The following SLC12A4 variants were observed in gnomAD, a reference collection of about 807,000 sequenced individuals.
SLC12A4 encodes solute carrier family 12 member 4.
A neutral mutation model predicts 119.2 loss-of-function variants in SLC12A4; 84 were observed. That is an observed-to-expected ratio of 0.70 (90% CI 0.59 to 0.85). The LOEUF is 0.85. Among genes scored for constraint, SLC12A4 ranks in the 40% least tolerant of loss-of-function variants. SLC12A4 has a pLI of 0.00. For synonymous variants in SLC12A4, 599 were observed against 604.6 expected (o/e 0.99, Z 0.14); for missense variants, 1,298 against 1,476.3 (o/e 0.88, Z 1.98).
chr16:67,968,188 C>T (rs2030947324), intron 1 of SLC12A4, among the ~76,000 whole-genome samples: 1 of 152,072 alleles, frequency 6.6e-6, no homozygotes, highest in South Asian at 2.1e-4. Context: ...GTCTGCAGCC[C>T]CCGCCCGGGG....
At position 67,946,119 on chromosome 16, in the gene SLC12A4, C is replaced by G. The variant is rs376982827; in HGVS notation, c.2608-37G>C. 5.9e-5 allele frequency: 95 copies of G among 1,612,814 alleles called. 1 individual carries two copies. The South Asian group carries it at 8.8e-4, about 15-fold the overall frequency. On this transcript the variant is annotated intron_variant, in intron 19 of 23. Coordinates refer to ENST00000316341, the MANE Select transcript of SLC12A4 (RefSeq NM_005072.5). ...GACCAGGTGGGCGGTTTGGTCACAG[C>G]TGCTCCTCCAAGGGCCTAGCCCCTC...
At chr16:67,968,364 G>GAC (rs2030956749) in intron 1 of SLC12A4, 75 bp downstream of exon 1, 1 of 1,348,198 alleles carries the variant, frequency 7.4e-7, no homozygotes, top group Non-Finnish European at 9.9e-7. Context: ...GATAGGTGCG[G>GAC]GCGCGGGCCC....
Position 67,950,730 on chromosome 16 carries a change from A to T in SLC12A4, c.1397-19T>A. ...CTGAAGTCTGCGGCGGCGTCAAGGAAAACTCGGCCTCTGCCACCCCACTGT... is the reference window on the plus strand; with the variant it reads ...CTGAAGTCTGCGGCGGCGTCAAGGATAACTCGGCCTCTGCCACCCCACTGT... On this transcript the variant is annotated intron_variant, in intron 10 of 23. Transcript: ENST00000316341. This position sits in a 1 kb window ranked among gnomAD's most constrained non-coding sequence, Gnocchi z 4.3. 6.3e-7 allele frequency: 1 copy of T among 1,597,180 alleles called. No homozygotes were observed. Among genetic ancestry groups the T allele is most frequent in the Non-Finnish European group, 8.5e-7 (1 of 1,172,408 alleles).
chr16:67,954,854 C>T, intron 5 of SLC12A4, 81 bp from the exon 6 acceptor site: 3 of 1,559,122 alleles, frequency 1.9e-6, no homozygotes, highest in Non-Finnish European at 2.6e-6. Flanking sequence ...CCTGCACAAC[C>T]ACCCAGAGGG....
chr16:67,961,338 G>A (rs1002958844), intron 3 of SLC12A4, among the ~76,000 whole-genome samples: 4 of 152,184 alleles, frequency 2.6e-5, no homozygotes, highest in Admixed American at 6.5e-5. Context: ...ACAGGCAGCT[G>A]TGTCTCCTGC....
intron 6 of SLC12A4, 89 bp from the exon 7 acceptor site, chr16:67,952,514 A>G (rs2029982738): frequency 1.3e-6 from 2 of 1,482,574 alleles, no homozygotes; most frequent in African/African-American, 2.8e-5. Context: ...GAGTACCTAA[A>G]AGAGGCCGGG....
rs1193871788 is a variant in SLC12A4, at chr16:67,963,534, G to C, written c.141C>G (p.Ser47Arg). The C allele has an allele frequency of 1.3e-6, 2 of 1,585,688 alleles. No individual in the cohort carries two copies. The highest frequency in any genetic ancestry group is 1.7e-6 in the Non-Finnish European group (2 of 1,171,306). Residue 47 changes from serine to arginine, a missense_variant, in exon 2 of 24, where the codon AGC (serine) becomes AGG (arginine). Ser to Arg is a moderately radical substitution (Grantham distance 110, BLOSUM62 -1). Transcript: ENST00000316341. ...AAGCCTCCAAGGGGGAAAGAAAAGG[G>C]CTGCTCTCTCTGTGGTTGCCATGTC... The part of the protein sequence containing the change: ...SDGHGNHRES[S>R]PFLSPLEASR...
chr16:67,950,487 G>A lies in SLC12A4; in HGVS notation c.1461C>T (p.Gly487=), dbSNP rs761484236. The change falls in exon 12 of 24, where the codon GGC becomes GGT. Residue 487 remains glycine, a synonymous_variant. Coordinates refer to ENST00000316341, the MANE Select transcript of SLC12A4 (RefSeq NM_005072.5). The surrounding 1 kb of genome is among the most constrained non-coding windows in gnomAD (Gnocchi z 4.3). ...IEGVVLRDKY[G]DGVSRNLVVG... is the part of the protein sequence containing the mutation. ...CCACCAAGTTCCTGCTGACACCATC[G>A]CCATACCTGCAGGGGCCACCAGAGT... 2.7e-5 allele frequency: 43 copies of A among 1,613,794 alleles called. No individual in the cohort carries two copies. Among genetic ancestry groups the A allele is most frequent in the Middle Eastern group, 1.6e-4 (1 of 6,084 alleles).
rs971439965 is a variant in SLC12A4, at chr16:67,951,601, G to C, written c.1132+222C>G. On this transcript the variant is annotated intron_variant, in intron 8 of 23. Transcript: ENST00000316341. This position sits in a 1 kb window ranked among gnomAD's most constrained non-coding sequence, Gnocchi z 5.2. Reference sequence around the variant, plus strand: ...TCCCCAGGCAGTGTCAGGGGCTGGTGGCTGGGGAAGACAGGCTGCTGCAGG... The same window carrying C: ...TCCCCAGGCAGTGTCAGGGGCTGGTCGCTGGGGAAGACAGGCTGCTGCAGG... 1.6e-6 allele frequency: 1 copy of C among 612,252 alleles called. No homozygotes were observed. Among genetic ancestry groups the C allele is most frequent in the Non-Finnish European group, 2.9e-6 (1 of 348,478 alleles). 37.9% of individuals were successfully genotyped at this position (612,252 alleles called of 1,614,324 possible).
chr16:67,945,179 A>G lies in SLC12A4; in HGVS notation c.3074T>C (p.Leu1025Pro). 1 of 1,587,170 alleles carries G rather than the reference A, an allele frequency of 6.3e-7. No individual in the cohort carries two copies. The highest frequency in any genetic ancestry group is 1.2e-5 in the South Asian group (1 of 86,728). ...GGAGCGCGTGACAATGACTTCATTG[A>G]GCTTCACAGCAGTGTGCATGCGCCG... ...NVRRMHTAVKLNEVIVTRSHD... is the reference protein window; with the variant it reads ...NVRRMHTAVKPNEVIVTRSHD... Residue 1025 changes from leucine (L) to proline (P), a missense_variant, in exon 23 of 24, where the codon CTC becomes CCC. By Grantham distance (98) the Leu-to-Pro change is moderately conservative. Coordinates refer to ENST00000316341, the MANE Select transcript of SLC12A4 (RefSeq NM_005072.5).
intron 6 of SLC12A4, 146 bp downstream of exon 6, chr16:67,954,497 G>T: frequency 2.0e-6 from 2 of 977,578 alleles, no homozygotes; most frequent in Non-Finnish European, 3.0e-6. Flanking sequence ...CTGAGTAAAG[G>T]TCTTTGTCTC....
Position 67,944,932 on chromosome 16 carries a change from C to T in SLC12A4, c.3167-1G>A, listed in dbSNP as rs58381604. The T allele has an allele frequency of 6.2e-7, 1 of 1,613,398 alleles. No homozygotes were observed. Among genetic ancestry groups the T allele is most frequent in the Non-Finnish European group, 8.5e-7 (1 of 1,180,006 alleles). On this transcript the variant is annotated splice_acceptor_variant, in intron 23 of 23. Coordinates refer to ENST00000316341, the MANE Select transcript of SLC12A4 (RefSeq NM_005072.5). LOFTEE classifies it high-confidence loss of function. This position sits in a 1 kb window ranked among gnomAD's most constrained non-coding sequence, Gnocchi z 6.6. ...GTCAGCACCTCGAGGAACTCCATGTCTGCAGGGCCTCAAGTCAAGGAGGCA... is the reference window on the plus strand; with the variant it reads ...GTCAGCACCTCGAGGAACTCCATGTTTGCAGGGCCTCAAGTCAAGGAGGCA...
At position 67,947,181 on chromosome 16, in the gene SLC12A4, G is replaced by A. The variant is rs563039292; in HGVS notation, c.2073-76C>T. 8.5e-6 allele frequency: 13 copies of A among 1,523,276 alleles called. No homozygotes were observed. The East Asian group carries it at 9.8e-5, about 12-fold the overall frequency. 94.4% of individuals were successfully genotyped at this position (1,523,276 alleles called of 1,614,324 possible). On this transcript the variant is annotated intron_variant, in intron 16 of 23. Coordinates refer to ENST00000316341, the MANE Select transcript of SLC12A4 (RefSeq NM_005072.5). ...GAGCCCCTCCTCTTCTTCCCTTCTCGGGTCGTGGTCCCTGCAGGTTTGGGT... is the reference window on the plus strand; with the variant it reads ...GAGCCCCTCCTCTTCTTCCCTTCTCAGGTCGTGGTCCCTGCAGGTTTGGGT...
intron 16 of SLC12A4, 60 bp downstream of exon 16, chr16:67,947,271 G>C (rs2058361848): frequency 6.4e-7 from 1 of 1,552,430 alleles, no homozygotes; most frequent in African/African-American, 1.4e-5. Flanking sequence ...TCGACCCTCT[G>C]ACCCCGACAG....
chr16:67,945,625 A>T lies in SLC12A4; in HGVS notation c.2848-72T>A. The T allele has an allele frequency of 2.6e-6, 4 of 1,542,778 alleles. No homozygotes were observed. In the South Asian group the frequency reaches 4.7e-5, roughly 18 times the overall value. ...GATGGGGCCTGTCTGGCCCAATGTGACCACCTTGCCTCCGGGAAATGAGCA... is the reference window on the plus strand; with the variant it reads ...GATGGGGCCTGTCTGGCCCAATGTGTCCACCTTGCCTCCGGGAAATGAGCA... On this transcript the variant is annotated intron_variant, in intron 21 of 23. Transcript: ENST00000316341.
rs939526226 is a variant in SLC12A4 at position 67,944,369 on chromosome 16, G to C, written c.*471C>G. On this transcript the variant is annotated 3_prime_UTR_variant, in exon 24 of 24. Transcript: ENST00000316341. This position sits in a 1 kb window ranked among gnomAD's most constrained non-coding sequence, Gnocchi z 6.6. ...GTTTTATTGAAAAAGTCAGGCCTCAGCTCAGCTGTCTCCATTCGGCTCAGC... is the reference window on the plus strand; with the variant it reads ...GTTTTATTGAAAAAGTCAGGCCTCACCTCAGCTGTCTCCATTCGGCTCAGC... 6.2e-5 allele frequency: 84 copies of C among 1,346,168 alleles called. No individual in the cohort carries two copies. The highest frequency in any genetic ancestry group is 7.4e-5 in the Non-Finnish European group (78 of 1,049,830). The allele number at this position is 1,346,168 out of a possible 1,614,324, so 83.4% of individuals were successfully genotyped here.
chr16:67,967,603 T>C (rs931867108), intron 1 of SLC12A4, among the ~76,000 whole-genome samples: 3 of 151,936 alleles, frequency 2.0e-5, no homozygotes, highest in African/African-American at 4.8e-5. Flanking sequence ...GGGTAGGAGA[T>C]AGAGAAAGGG....
intron 1 of SLC12A4, among the ~76,000 whole-genome samples, chr16:67,964,562 C>T (rs1386808046): frequency 1.3e-5 from 2 of 152,110 alleles, no homozygotes; most frequent in Non-Finnish European, 2.9e-5. Flanking sequence ...CCTCGCAGCC[C>T]CGGCCCTGGC....
chr16:67,968,477 AC>A lies in SLC12A4; in HGVS notation c.76del (p.Val26TrpfsTer116). The A allele has an allele frequency of 6.3e-7, 1 of 1,585,284 alleles. No homozygotes were observed. ...CAGCTCGGCGCGCTCCCCGTAGTCC[AC>A]CCAACTGAGCCCCTCGAGGTTGTCA... is the stretch of plus-strand genomic sequence containing the variant. ...DYDNLEGLSW[V>X]DYGERAELDD... On this transcript the variant is annotated frameshift_variant, in exon 1 of 24. Coordinates refer to ENST00000316341, the MANE Select transcript of SLC12A4 (RefSeq NM_005072.5). LOFTEE classifies it high-confidence loss of function.
Sources: gnomAD v4.1 joint callset for allele counts (sites outside exome capture counted in the v4.1 genomes callset) on GRCh38, gnomAD v4.1.1 for gene constraint, Gnocchi (gnomAD v3.1) non-coding constraint, MANE v1.5 for transcripts, NCBI Gene and HGNC (gene_info 2026-07-23, HGNC 2026-07-21) for gene names.